PCDHA6: variants seen among roughly 807,000 people sequenced by gnomAD.
The protein encoded by PCDHA6 is protocadherin alpha-6.
PCDHA6 carries 55 observed loss-of-function variants against 60.3 expected under a neutral mutation model. That is an observed-to-expected ratio of 0.91 (90% CI 0.73 to 1.14). PCDHA6 has a LOEUF of 1.14. Ranked by LOEUF, PCDHA6 falls within the 50% of genes most tolerant of loss-of-function variation. PCDHA6 has a pLI of 0.00. For synonymous variants in PCDHA6, 652 were observed against 557.9 expected, an observed-to-expected ratio of 1.17 and a Z score of -2.38; for missense variants, 1,327 against 1,256.5, an observed-to-expected ratio of 1.06 and a Z score of -0.85.
At chr5:140,838,290 T>TC (rs1775657451) in intron 1 of PCDHA6, among the ~76,000 whole-genome samples, 2 of 150,172 alleles carry the variant, frequency 1.3e-5, no homozygotes, top group Non-Finnish European at 3.0e-5. Flanking sequence ...ATTTTTTTTT[T>TC]TTTTTGTATT....
In PCDHA6 at chr5:140,835,883, C is replaced by T. The variant is rs149268300; in HGVS notation, c.2394+5398C>T. Reference sequence around the variant, plus strand: ...ACTCGCTGGTGGAGCTGCGGGTGGGCGAGCGCGCGCTGTCGAGCTACGTGT... The same window carrying T: ...ACTCGCTGGTGGAGCTGCGGGTGGGTGAGCGCGCGCTGTCGAGCTACGTGT... On this transcript the variant is annotated intron_variant, in intron 1 of 3. Coordinates refer to ENST00000529310, the MANE Select transcript of PCDHA6 (RefSeq NM_018909.4). 5.5e-4 allele frequency: 882 copies of T among 1,611,944 alleles called. 10 individuals carry two copies. In the African/African-American group the frequency reaches 9.6e-3, roughly 17 times the overall value.
In PCDHA6 at chr5:140,945,883, GAA is replaced by G. The variant is rs2093856247; in HGVS notation, c.2395-33063_2395-33062del. On this transcript the variant is annotated intron_variant, in intron 1 of 3. Transcript: ENST00000529310. ...GACCTGAAATTGTAAAACTAACAAA[GAA>G]AACACAGTGGGAAAGATGAAAGATC... Among the ~76,000 whole-genome samples the G allele has an allele frequency of 2.6e-5, 4 of 152,104 alleles. No homozygotes were observed. The South Asian group carries it at 8.3e-4, about 32-fold the overall frequency.
At chr5:140,870,134 A>G (rs2051696193) in intron 1 of PCDHA6, 1 of 1,613,888 alleles carries the variant, frequency 6.2e-7, no homozygotes, top group African/African-American at 1.3e-5. Flanking sequence ...GACACCAACG[A>G]TAACTCTCCT....
At chr5:140,840,288 A>G (rs2150305409) in intron 1 of PCDHA6, among the ~76,000 whole-genome samples, 1,565 of 152,122 alleles carry the variant, frequency 0.01, 48 homozygotes, top group African/African-American at 0.036. Flanking sequence ...TTGGGTGATT[A>G]TTGATTAGAT....
At chr5:140,932,309 ATATAT>A (rs1441363335) in intron 1 of PCDHA6, among the ~76,000 whole-genome samples, 6 of 151,956 alleles carry the variant, frequency 3.9e-5, no homozygotes, top group Non-Finnish European at 8.8e-5. Context: ...AAAGGTATAA[ATATAT>A]TAATGTAGCA....
rs543216216 is a variant in PCDHA6, at chr5:140,917,329, G to A, written c.2395-61620G>A. 1.4e-4 allele frequency among the ~76,000 whole-genome samples: 20 copies of A among 144,014 alleles called. 2 individuals are homozygous for A. In the South Asian group the frequency reaches 2.0e-3, roughly 14 times the overall value. The allele number at this position is 144,014 out of a possible 152,430, so 94.5% of individuals were successfully genotyped here. ...ACAATTTGGTGTTCATGTGGCGGGG[G>A]AGGGGGGGGATGGTGTAGGCTTCTG... is the stretch of plus-strand genomic sequence containing the variant. On this transcript the variant is annotated intron_variant, in intron 1 of 3. Coordinates refer to ENST00000529310, the MANE Select transcript of PCDHA6 (RefSeq NM_018909.4).
Position 140,829,566 on chromosome 5 carries a change from A to G in PCDHA6, c.1475A>G (p.Tyr492Cys), listed in dbSNP as rs1554132093. The G allele has an allele frequency of 1.9e-6, 3 of 1,612,588 alleles. No homozygotes were observed. Among genetic ancestry groups the G allele is most frequent in the Non-Finnish European group, 2.5e-6 (3 of 1,179,796 alleles). ...GCGCAGGAGAACGCGCTGGTGTCCT[A>G]CTCGCTGGTGGAGCGGCGGGTGGGC... ...ADAQENALVS[Y>C]SLVERRVGER... Residue 492 changes from tyrosine (Y) to cysteine (C), a missense_variant, in exon 1 of 4, where the codon TAC becomes TGC. Tyr to Cys is a radical substitution (Grantham distance 194). Coordinates refer to ENST00000529310, the MANE Select transcript of PCDHA6 (RefSeq NM_018909.4).
At chr5:140,841,784 G>T in intron 1 of PCDHA6, 1 of 1,613,930 alleles carries the variant, frequency 6.2e-7, no homozygotes. Flanking sequence ...GTTTCCGCTA[G>T]AGGGCGCGTC....
chr5:140,829,177 C>T lies in PCDHA6; in HGVS notation c.1086C>T (p.Asp362=). Residue 362 remains aspartate (D), a synonymous_variant, in exon 1 of 4, where the codon GAC becomes GAT. Transcript: ENST00000529310. ...CCTTATCCTTGCCTGTACGTGAAGA[C>T]GCTCAATTTGGTACTGTCATCGCCC... The part of the protein sequence containing the change: ...LTSLSLPVRE[D]AQFGTVIALI... The T allele has an allele frequency of 1.2e-6, 2 of 1,614,106 alleles. No individual in the cohort carries two copies. Among genetic ancestry groups the T allele is most frequent in the South Asian group, 1.1e-5 (1 of 91,074 alleles).
Position 140,847,724 on chromosome 5 carries a change from A to G in PCDHA6, c.2394+17239A>G, listed in dbSNP as rs2150403013. 2.0e-5 allele frequency: 3 copies of G among 150,110 alleles called. No individual in the cohort carries two copies. The South Asian group carries it at 6.3e-4, about 32-fold the overall frequency. 9.3% of individuals were successfully genotyped at this position (150,110 alleles called of 1,614,324 possible). ...ACAGATTGTATAAATGCTACAAAAGAGAAAAATATATTTTCTCCCCACGCA... is the reference window on the plus strand; with the variant it reads ...ACAGATTGTATAAATGCTACAAAAGGGAAAAATATATTTTCTCCCCACGCA... On this transcript the variant is annotated intron_variant, in intron 1 of 3. Transcript: ENST00000529310.
intron 3 of PCDHA6, among the ~76,000 whole-genome samples, chr5:140,997,002 G>T (rs534893055): frequency 1.3e-5 from 2 of 152,118 alleles, no homozygotes; most frequent in East Asian, 1.9e-4. Context: ...TAACAATTTT[G>T]TGTGTATCCT....
chr5:140,914,944 C>CT (rs35695909), intron 1 of PCDHA6, among the ~76,000 whole-genome samples: 3,966 of 128,238 alleles, frequency 0.031, 97 homozygotes, highest in Middle Eastern at 0.041. Context: ...GAAAAGTTGT[C>CT]TTTTTTTTTT....
At chr5:140,907,847 C>T (rs1332235262) in intron 1 of PCDHA6, among the ~76,000 whole-genome samples, 15 of 152,232 alleles carry the variant, frequency 9.9e-5, no homozygotes, top group African/African-American at 3.6e-4. Flanking sequence ...TAAAATCCTC[C>T]TCTGCTGAGG....
intron 1 of PCDHA6, chr5:140,834,315 G>A: frequency 7.3e-7 from 1 of 1,374,090 alleles, no homozygotes. Flanking sequence ...TTGAAATGAA[G>A]GGATAAAAAC....
chr5:140,875,687 G>T, intron 1 of PCDHA6: 10 of 1,614,012 alleles, frequency 6.2e-6, no homozygotes, highest in Non-Finnish European at 8.5e-6. Context: ...AAAAGACACG[G>T]GGACCTTCTG....
chr5:140,888,513 A>C (rs1208227299), intron 1 of PCDHA6, among the ~76,000 whole-genome samples: 5 of 152,216 alleles, frequency 3.3e-5, no homozygotes, highest in African/African-American at 4.8e-5. Context: ...TCTTGGACTT[A>C]GTTCTGACGT....
chr5:140,854,565 T>C (rs2043162230), intron 1 of PCDHA6: 1 of 150,016 alleles, frequency 6.7e-6, no homozygotes, highest in Non-Finnish European at 1.5e-5. Context: ...ATTGTTGCTC[T>C]GTCATTCAGA....
intron 1 of PCDHA6, chr5:140,930,241 C>T (rs2086688232): frequency 1.3e-5 from 2 of 152,148 alleles, no homozygotes; most frequent in African/African-American, 2.4e-5. Context: ...ATCCAAAGTC[C>T]ATTCAACTTG....
intron 1 of PCDHA6, chr5:140,842,630 G>A: frequency 6.3e-7 from 1 of 1,586,074 alleles, no homozygotes; most frequent in Non-Finnish European, 8.6e-7. Context: ...TTCGCTGTGG[G>A]CCACCGCCAG....
Sources: gnomAD v4.1 joint callset for allele counts (sites outside exome capture counted in the v4.1 genomes callset) on GRCh38, gnomAD v4.1.1 for gene constraint, MANE v1.5 for transcripts, NCBI Gene and HGNC (gene_info 2026-07-23, HGNC 2026-07-21) for gene names.